SLC24A2: variants seen among roughly 807,000 people sequenced by gnomAD.
SLC24A2 encodes the protein solute carrier family 24 member 2, also known as sodium/potassium/calcium exchanger 2.
SLC24A2 carries 36 observed loss-of-function variants against 62.0 expected under a neutral mutation model. The ratio of observed to expected loss-of-function variants is 0.58; its 90% CI spans 0.44 to 0.77. SLC24A2 has a LOEUF of 0.77. SLC24A2 is among the 30% of genes least tolerant of loss of function. The probability of loss-of-function intolerance (pLI) is 0.00; values close to 1 mark genes in which losing one functional copy is unlikely to be tolerated. For synonymous variants in SLC24A2, 358 were observed against 294.0 expected (o/e 1.22, Z -2.23); for missense variants, 846 against 817.9 (o/e 1.03, Z -0.42).
the SLC24A2 span, among the ~76,000 whole-genome samples, chr9:19,863,319 C>T: frequency 6.6e-6 from 1 of 152,058 alleles, no homozygotes; most frequent in East Asian, 1.9e-4. Context: ...CCACTTTCAG[C>T]ATTGACAGAT....
intron 7 of SLC24A2, 21 bp downstream of exon 7, chr9:19,573,329 GA>G: frequency 6.9e-7 from 1 of 1,452,622 alleles, no homozygotes; most frequent in Non-Finnish European, 9.7e-7. Flanking sequence ...CAGCCCAGAA[GA>G]GCAATGGAGA....
At chr9:20,247,440 G>T in the SLC24A2 span, among the ~76,000 whole-genome samples, 1 of 152,142 alleles carries the variant, frequency 6.6e-6, no homozygotes, top group Non-Finnish European at 1.5e-5. Context: ...AGGGCCTTTG[G>T]GAGGTAATAA....
At chr9:19,841,612 T>C in the SLC24A2 span, among the ~76,000 whole-genome samples, 1 of 152,350 alleles carries the variant, frequency 6.6e-6, no homozygotes, top group East Asian at 1.9e-4. Flanking sequence ...ATTGGATCTG[T>C]GCCCTTTAAA....
intron 2 of SLC24A2, among the ~76,000 whole-genome samples, chr9:19,768,511 C>T (rs1336955498): frequency 6.6e-6 from 1 of 152,050 alleles, no homozygotes; most frequent in African/African-American, 2.4e-5. Flanking sequence ...TGGTACTGAA[C>T]CCTCTCTATA....
chr9:19,769,810 A>T (rs889782579), intron 2 of SLC24A2, among the ~76,000 whole-genome samples: 3 of 152,040 alleles, frequency 2.0e-5, no homozygotes, highest in Non-Finnish European at 4.4e-5. Flanking sequence ...CTTTTTGCAC[A>T]AAATGCCTTT....
intron 5 of SLC24A2, among the ~76,000 whole-genome samples, chr9:19,584,522 AG>A (rs1836307092): frequency 6.6e-6 from 1 of 152,136 alleles, no homozygotes. Flanking sequence ...GATGCCACCT[AG>A]CAACTAGAAG....
chr9:20,046,355 T>A, the SLC24A2 span, among the ~76,000 whole-genome samples: 2 of 152,344 alleles, frequency 1.3e-5, no homozygotes, highest in Admixed American at 1.3e-4. Flanking sequence ...CTGTTGCATC[T>A]GGTGACTGTA....
the SLC24A2 span, among the ~76,000 whole-genome samples, chr9:20,159,819 G>C: frequency 1.2e-4 from 18 of 151,572 alleles, no homozygotes; most frequent in African/African-American, 4.1e-4. Context: ...TTGGTATTTT[G>C]TATTTGATAA....
chr9:20,109,523 C>T, the SLC24A2 span, among the ~76,000 whole-genome samples: 3 of 152,124 alleles, frequency 2.0e-5, no homozygotes, highest in Admixed American at 6.6e-5. Flanking sequence ...TGACCAGCCC[C>T]CAGTAAAAAT....
chr9:20,257,923 G>C, the SLC24A2 span, among the ~76,000 whole-genome samples: 5 of 152,164 alleles, frequency 3.3e-5, no homozygotes, highest in African/African-American at 1.2e-4. Context: ...TGGAGTCTGT[G>C]TGTAAACAGC....
chr9:20,065,732 T>A, the SLC24A2 span, among the ~76,000 whole-genome samples: 1 of 152,188 alleles, frequency 6.6e-6, no homozygotes, highest in Non-Finnish European at 1.5e-5. Flanking sequence ...GTAGCAGATA[T>A]GGGATTTAAA....
chr9:19,820,056 C>CAT, the SLC24A2 span, among the ~76,000 whole-genome samples: 413 of 20,702 alleles, frequency 0.02, 8 homozygotes, highest in African/African-American at 0.035. Context: ...TATATATATA[C>CAT]ACATATATAT....
the SLC24A2 span, among the ~76,000 whole-genome samples, chr9:20,079,938 C>G: frequency 6.6e-6 from 1 of 152,100 alleles, no homozygotes; most frequent in Non-Finnish European, 1.5e-5. Flanking sequence ...AGGACCTCTT[C>G]AAGGAGAATT....
At chr9:19,584,293 A>AC (rs1836296236) in intron 5 of SLC24A2, among the ~76,000 whole-genome samples, 1 of 103,718 alleles carries the variant, frequency 9.6e-6, no homozygotes, top group African/African-American at 3.5e-5. Flanking sequence ...AAAAAAAAAA[A>AC]CAAACAAAAA....
At chr9:19,963,119 A>T in the SLC24A2 span, among the ~76,000 whole-genome samples, 392 of 151,494 alleles carry the variant, frequency 2.6e-3, 2 homozygotes, top group African/African-American at 8.8e-3. Flanking sequence ...AAATGGGGAA[A>T]GGATTCCCTA....
chr9:19,698,289 A>G (rs1013205772), intron 2 of SLC24A2, among the ~76,000 whole-genome samples: 3 of 152,208 alleles, frequency 2.0e-5, no homozygotes, highest in African/African-American at 7.2e-5. Context: ...TAACAAAAAT[A>G]TTGTATAAAA....
At chr9:20,277,913 AG>A in the SLC24A2 span, among the ~76,000 whole-genome samples, 2 of 152,212 alleles carry the variant, frequency 1.3e-5, no homozygotes, top group Non-Finnish European at 2.9e-5. Context: ...ATCATAAAAA[AG>A]GATGAGTTCA....
chr9:19,525,711 T>G (rs1450145578), intron 9 of SLC24A2, among the ~76,000 whole-genome samples: 1 of 151,670 alleles, frequency 6.6e-6, no homozygotes, highest in South Asian at 2.1e-4. Context: ...GCCTGCAAGT[T>G]TTTACAAATG....
At chr9:20,047,992 G>A in the SLC24A2 span, among the ~76,000 whole-genome samples, 1 of 152,124 alleles carries the variant, frequency 6.6e-6, no homozygotes, top group Non-Finnish European at 1.5e-5. Flanking sequence ...GCCAATAGAA[G>A]CATGGTCAGG....
Sources: allele counts gnomAD v4.1 joint callset (sites outside exome capture counted in the v4.1 genomes callset), GRCh38; gene constraint gnomAD v4.1.1; transcripts MANE v1.5; gene names NCBI Gene and HGNC (gene_info 2026-07-23, HGNC 2026-07-21).